CSTPP1: variants seen among roughly 807,000 people sequenced by gnomAD.
The protein encoded by CSTPP1 is centriolar satellite-associated tubulin polyglutamylase complex regulator 1, also known as UPF0705 protein C11orf49.
At chr11:47,045,718 T>C in the CSTPP1 span, among the ~76,000 whole-genome samples, 2 of 152,234 alleles carry the variant, frequency 1.3e-5, no homozygotes, top group South Asian at 2.1e-4. Context: ...AGCATGAAAA[T>C]TGATTTGATA....
the CSTPP1 span, among the ~76,000 whole-genome samples, chr11:47,056,425 G>A: frequency 2.0e-5 from 3 of 152,132 alleles, no homozygotes; most frequent in Non-Finnish European, 4.4e-5. Flanking sequence ...CTATCACGAG[G>A]GATTCATATA....
At chr11:47,155,361 T>G in the CSTPP1 span, 5 of 1,011,522 alleles carry the variant, frequency 4.9e-6, no homozygotes, top group Non-Finnish European at 6.3e-6. Context: ...CACGTTTCTC[T>G]TCCCCACTTC....
the CSTPP1 span, among the ~76,000 whole-genome samples, chr11:46,978,470 G>A: frequency 5.9e-5 from 9 of 152,282 alleles, no homozygotes; most frequent in East Asian, 1.5e-3. Flanking sequence ...TTTTTATAGG[G>A]TACTTTGGTG....
the CSTPP1 span, among the ~76,000 whole-genome samples, chr11:47,037,206 T>TGTATCAATAGGA: frequency 2.4e-5 from 3 of 124,268 alleles, no homozygotes; most frequent in Non-Finnish European, 5.7e-5. Context: ...TAGTAAAGGA[T>TGTATCAATAGGA]TATAACCTAT....
chr11:47,138,015 A>C, the CSTPP1 span: 10,851 of 428,482 alleles, frequency 0.025, 241 homozygotes, highest in African/African-American at 0.084. Context: ...CAATACCCCC[A>C]CACACACACA....
chr11:46,952,675 T>A, the CSTPP1 span, among the ~76,000 whole-genome samples: 2 of 152,220 alleles, frequency 1.3e-5, no homozygotes, highest in African/African-American at 4.8e-5. Context: ...GCTCCCTTTT[T>A]ACAATGGTTA....
the CSTPP1 span, among the ~76,000 whole-genome samples, chr11:47,097,169 C>T: frequency 6.1e-5 from 8 of 131,110 alleles, no homozygotes; most frequent in African/African-American, 2.0e-4. Context: ...GCCCTCCGCC[C>T]GGCCAGCCGC....
the CSTPP1 span, among the ~76,000 whole-genome samples, chr11:46,943,682 G>T: frequency 6.6e-6 from 1 of 152,156 alleles, no homozygotes; most frequent in Non-Finnish European, 1.5e-5. Flanking sequence ...TGACCTAGAA[G>T]AAATCACTTA....
chr11:47,113,691 G>A, the CSTPP1 span, among the ~76,000 whole-genome samples: 2 of 152,050 alleles, frequency 1.3e-5, no homozygotes, highest in Admixed American at 1.3e-4. Flanking sequence ...ACTTTTTGAT[G>A]GGGTTGTTTT....
the CSTPP1 span, among the ~76,000 whole-genome samples, chr11:47,049,984 C>T: frequency 1.3e-5 from 2 of 152,034 alleles, no homozygotes; most frequent in Non-Finnish European, 2.9e-5. Flanking sequence ...TAATCAGATA[C>T]ACTGAAAAGC....
chr11:46,954,534 G>C, the CSTPP1 span, among the ~76,000 whole-genome samples: 1 of 152,086 alleles, frequency 6.6e-6, no homozygotes, highest in Admixed American at 6.5e-5. Flanking sequence ...GGGCGACACA[G>C]TGAGACTCTG....
the CSTPP1 span, chr11:47,155,042 G>A: frequency 2.6e-6 from 2 of 772,194 alleles, no homozygotes; most frequent in South Asian, 3.0e-5. Flanking sequence ...CTGCCCCAGG[G>A]GAGACTGGCG....
At chr11:47,002,023 G>T in the CSTPP1 span, among the ~76,000 whole-genome samples, 11 of 152,040 alleles carry the variant, frequency 7.2e-5, no homozygotes, top group Non-Finnish European at 1.6e-4. Flanking sequence ...GTAAAGTAAT[G>T]GTGACTAATC....
At chr11:47,141,685 G>A in the CSTPP1 span, among the ~76,000 whole-genome samples, 10 of 151,926 alleles carry the variant, frequency 6.6e-5, no homozygotes, top group East Asian at 1.9e-3. Flanking sequence ...TGTAATCCCA[G>A]CACTTTGGAA....
the CSTPP1 span, among the ~76,000 whole-genome samples, chr11:47,154,023 T>G: frequency 2.6e-4 from 39 of 152,132 alleles, no homozygotes; most frequent in African/African-American, 8.4e-4. Flanking sequence ...CACTGCAACC[T>G]CCGCCTCCCA....
the CSTPP1 span, chr11:46,987,146 G>A: frequency 6.6e-7 from 1 of 1,514,926 alleles, no homozygotes; most frequent in South Asian, 1.1e-5. Flanking sequence ...TACTAGGATT[G>A]GGATCATTCT....
the CSTPP1 span, among the ~76,000 whole-genome samples, chr11:47,029,581 G>T: frequency 6.6e-6 from 1 of 151,068 alleles, no homozygotes; most frequent in Non-Finnish European, 1.5e-5. Context: ...GTGCCACTGC[G>T]CTCCAGCCTG....
chr11:47,084,638 GAA>G, the CSTPP1 span, among the ~76,000 whole-genome samples: 29 of 152,104 alleles, frequency 1.9e-4, no homozygotes, highest in Admixed American at 1.9e-3. Context: ...ATGATTTATT[GAA>G]AAGACTTTCC....
the CSTPP1 span, among the ~76,000 whole-genome samples, chr11:47,122,928 G>A: frequency 7.2e-5 from 11 of 152,138 alleles, no homozygotes; most frequent in Admixed American, 5.9e-4. Context: ...TATCATCCAC[G>A]GTCCCCAAAC....
Sources: allele counts gnomAD v4.1 joint callset (sites outside exome capture counted in the v4.1 genomes callset), GRCh38; gene constraint gnomAD v4.1.1; transcripts MANE v1.5; gene names NCBI Gene and HGNC (gene_info 2026-07-23, HGNC 2026-07-21).